NTM: variants seen among roughly 807,000 people sequenced by gnomAD.
The protein encoded by NTM is neurotrimin.
NTM carries 13 observed loss-of-function variants against 42.1 expected under a neutral mutation model. That is an observed-to-expected ratio of 0.31 (90% confidence interval 0.20 to 0.49). NTM has a LOEUF of 0.49. NTM is among the 20% of genes least tolerant of loss of function. The pLI, the probability that NTM is intolerant of heterozygous loss-of-function variation, is 0.99. For missense variants in NTM, 373 were observed against 452.8 expected (o/e 0.82, Z 1.60); for synonymous variants, 187 against 179.2 (o/e 1.04, Z -0.35).
At chr11:131,474,042 C>A (rs956697150) in intron 1 of NTM, among the ~76,000 whole-genome samples, 1 of 152,072 alleles carries the variant, frequency 6.6e-6, no homozygotes, top group Non-Finnish European at 1.5e-5. Flanking sequence ...TAGTTCACAC[C>A]CCCACTGTCT....
intron 1 of NTM, among the ~76,000 whole-genome samples, chr11:131,499,155 G>A (rs1025960252): frequency 1.3e-5 from 2 of 152,166 alleles, no homozygotes; most frequent in Non-Finnish European, 2.9e-5. Flanking sequence ...ATAGGAAAAT[G>A]TCAGGAAACA....
At chr11:131,886,264 C>T (rs1167009318) in intron 1 of NTM, among the ~76,000 whole-genome samples, 2 of 152,184 alleles carry the variant, frequency 1.3e-5, no homozygotes, top group East Asian at 1.9e-4. Flanking sequence ...CCACCAGCTT[C>T]TATTTAATAA....
At chr11:131,967,837 C>G (rs1388027671) in intron 2 of NTM, among the ~76,000 whole-genome samples, 1 of 152,108 alleles carries the variant, frequency 6.6e-6, no homozygotes, top group African/African-American at 2.4e-5. Flanking sequence ...TCTATCTGAA[C>G]TGTGGAGGGT....
At chr11:131,492,057 TG>T (rs892659628) in intron 1 of NTM, among the ~76,000 whole-genome samples, 1 of 152,216 alleles carries the variant, frequency 6.6e-6, no homozygotes, top group African/African-American at 2.4e-5. Flanking sequence ...TTCAAGAATT[TG>T]CCCTAGGTCA....
At chr11:132,202,053 G>A (rs2081244455) in intron 3 of NTM, among the ~76,000 whole-genome samples, 2 of 152,156 alleles carry the variant, frequency 1.3e-5, no homozygotes, top group Admixed American at 6.5e-5. Context: ...ATTATGTAAT[G>A]AATTAGATTA....
chr11:131,756,026 G>T (rs1341440811), intron 1 of NTM, among the ~76,000 whole-genome samples: 1 of 152,210 alleles, frequency 6.6e-6, no homozygotes, highest in East Asian at 1.9e-4. Context: ...TGTGAGGCCT[G>T]GACAGGAGAC....
At chr11:131,602,338 C>T (rs1506660) in intron 1 of NTM, among the ~76,000 whole-genome samples, 67,619 of 151,988 alleles carry the variant, frequency 0.44, 16,627 homozygotes, top group East Asian at 0.65. Context: ...CCATGCAGTG[C>T]GGTGTTCAGA....
At chr11:132,047,276 G>A (rs2078154765) in intron 2 of NTM, among the ~76,000 whole-genome samples, 2 of 152,204 alleles carry the variant, frequency 1.3e-5, no homozygotes, top group East Asian at 3.9e-4. Flanking sequence ...TCAGTGTTGA[G>A]GTCAAATTTC....
At chr11:131,424,849 G>A (rs1229177816) in intron 1 of NTM, among the ~76,000 whole-genome samples, 4 of 148,686 alleles carry the variant, frequency 2.7e-5, no homozygotes, top group East Asian at 2.0e-4. Flanking sequence ...GATTATAGGC[G>A]TGAGCCACCA....
chr11:131,524,405 C>T (rs946752236), intron 1 of NTM, among the ~76,000 whole-genome samples: 2 of 152,176 alleles, frequency 1.3e-5, no homozygotes, highest in African/African-American at 2.4e-5. Context: ...GTTAGTATAG[C>T]AAGGCACCAA....
At chr11:132,222,614 G>C (rs1349983533) in intron 4 of NTM, among the ~76,000 whole-genome samples, 1 of 152,052 alleles carries the variant, frequency 6.6e-6, no homozygotes, top group African/African-American at 2.4e-5. Flanking sequence ...CTGCCACCTG[G>C]CTCTCCAAAT....
chr11:132,104,791 G>C (rs1591538113), intron 2 of NTM, among the ~76,000 whole-genome samples: 1 of 149,536 alleles, frequency 6.7e-6, no homozygotes, highest in East Asian at 2.0e-4. Flanking sequence ...TGTAGTTCCA[G>C]CTACCTAGGA....
At chr11:131,510,602 A>G (rs146306364) in intron 1 of NTM, among the ~76,000 whole-genome samples, 78 of 152,198 alleles carry the variant, frequency 5.1e-4, no homozygotes, top group African/African-American at 1.8e-3. Flanking sequence ...CTAAAAACCA[A>G]TTTCTATCTA....
At chr11:131,423,943 AG>A (rs1215467712) in intron 1 of NTM, among the ~76,000 whole-genome samples, 2 of 152,110 alleles carry the variant, frequency 1.3e-5, no homozygotes, top group African/African-American at 2.4e-5. Flanking sequence ...CATTTCCCCG[AG>A]GCTTCTTTAG....
At chr11:132,054,483 A>G (rs963041981) in intron 2 of NTM, among the ~76,000 whole-genome samples, 1 of 152,244 alleles carries the variant, frequency 6.6e-6, no homozygotes. Context: ...AATCATTGTG[A>G]ATACACTTTA....
chr11:132,187,760 A>G (rs1168485686), intron 3 of NTM, among the ~76,000 whole-genome samples: 1 of 152,178 alleles, frequency 6.6e-6, no homozygotes, highest in African/African-American at 2.4e-5. Context: ...GAGCTATGAC[A>G]GGAGCGTGAT....
intron 1 of NTM, among the ~76,000 whole-genome samples, chr11:131,644,994 T>C (rs189630289): frequency 1.8e-3 from 275 of 152,296 alleles, no homozygotes; most frequent in Middle Eastern, 3.4e-3. Context: ...GCGTGTACTC[T>C]GTCAAGCTTC....
intron 2 of NTM, among the ~76,000 whole-genome samples, chr11:131,997,288 G>C (rs528628320): frequency 6.6e-6 from 1 of 152,184 alleles, no homozygotes; most frequent in Non-Finnish European, 1.5e-5. Flanking sequence ...CCCTCAGTGT[G>C]CTTCTGCTAG....
intron 4 of NTM, among the ~76,000 whole-genome samples, chr11:132,230,616 G>A (rs2087334896): frequency 6.6e-6 from 1 of 152,218 alleles, no homozygotes; most frequent in Non-Finnish European, 1.5e-5. Flanking sequence ...CACCCTCTCT[G>A]AGCCTTCGCC....
Sources: gnomAD v4.1 joint callset for allele counts (sites outside exome capture counted in the v4.1 genomes callset) on GRCh38, gnomAD v4.1.1 for gene constraint, MANE v1.5 for transcripts, NCBI Gene and HGNC (gene_info 2026-07-23, HGNC 2026-07-21) for gene names.